Variants in PDE3A observed in about 807,000 individuals in gnomAD.
The protein encoded by PDE3A is phosphodiesterase 3A, also known as cGMP-inhibited 3',5'-cyclic phosphodiesterase 3A.
PDE3A carries 43 observed loss-of-function variants against 98.3 expected under a neutral mutation model. The ratio of observed to expected loss-of-function variants is 0.44; its 90% CI spans 0.34 to 0.56. The LOEUF (loss-of-function observed/expected upper bound fraction) is 0.56, where lower values mean the gene tolerates loss of function less well. Among genes scored for constraint, PDE3A ranks in the 20% least tolerant of loss-of-function variants. The probability of loss-of-function intolerance (pLI) is 0.01; values close to 1 mark genes in which losing one functional copy is unlikely to be tolerated. For synonymous variants in PDE3A, 663 were observed against 567.9 expected, an observed-to-expected ratio of 1.17 and a Z score of -2.38; for missense variants, 1,427 against 1,440.7, an observed-to-expected ratio of 0.99 and a Z score of 0.15.
At chr12:20,526,447 A>G (rs1250313985) in intron 1 of PDE3A, among the ~76,000 whole-genome samples, 1 of 152,198 alleles carries the variant, frequency 6.6e-6, no homozygotes, top group Admixed American at 6.5e-5. Context: ...CATTTTTTAA[A>G]TCAAATTTTT....
intron 1 of PDE3A, among the ~76,000 whole-genome samples, chr12:20,479,536 CT>C (rs1203559242): frequency 1.3e-5 from 2 of 152,188 alleles, no homozygotes; most frequent in African/African-American, 2.4e-5. Flanking sequence ...GTCCCTATCC[CT>C]TCTTGTGAGT....
In PDE3A at chr12:20,590,125, C is replaced by A. The variant is rs190797384; in HGVS notation, c.1012-23318C>A. ...ACGCAGCATATAAAACAAAGGTACT[C>A]TTACTATCCCGTGCTCCAAATGCAT... On this transcript the variant is annotated intron_variant, in intron 2 of 15. Transcript: ENST00000359062. 2.6e-5 allele frequency among the ~76,000 whole-genome samples: 4 copies of A among 151,954 alleles called. No homozygotes were observed. In the East Asian group the frequency reaches 5.8e-4, roughly 22 times the overall value.
intron 1 of PDE3A, among the ~76,000 whole-genome samples, chr12:20,384,562 G>A (rs1335220513): frequency 6.6e-6 from 1 of 151,768 alleles, no homozygotes; most frequent in African/African-American, 2.4e-5. Flanking sequence ...GAATACATGT[G>A]CAGGATGTGC....
At chr12:20,551,526 C>T (rs1017848889) in intron 1 of PDE3A, 4 of 1,160,230 alleles carry the variant, frequency 3.4e-6, no homozygotes, top group Non-Finnish European at 4.9e-6. Context: ...ATTCCGATAA[C>T]GAACGAGACT....
At chr12:20,560,759 C>G (rs1418604400) in intron 2 of PDE3A, among the ~76,000 whole-genome samples, 1 of 152,066 alleles carries the variant, frequency 6.6e-6, no homozygotes, top group African/African-American at 2.4e-5. Flanking sequence ...TGAGCTGATT[C>G]AGGACTGAGG....
intron 8 of PDE3A, among the ~76,000 whole-genome samples, chr12:20,635,592 G>GA (rs917939029): frequency 3.1e-5 from 4 of 129,770 alleles, no homozygotes; most frequent in African/African-American, 8.2e-5. Flanking sequence ...AAAAAAAAAA[G>GA]AAAGAAAGAA....
At chr12:20,518,383 G>A (rs1946360190) in intron 1 of PDE3A, among the ~76,000 whole-genome samples, 1 of 151,812 alleles carries the variant, frequency 6.6e-6, no homozygotes, top group Non-Finnish European at 1.5e-5. Flanking sequence ...CAGAGTTAGA[G>A]CTTCAAAGAT....
intron 10 of PDE3A, among the ~76,000 whole-genome samples, chr12:20,644,461 G>C (rs2121514420): frequency 6.6e-6 from 1 of 152,144 alleles, no homozygotes; most frequent in Admixed American, 6.5e-5. Context: ...TTTTTACTCT[G>C]TCTTATTTTT....
intron 1 of PDE3A, among the ~76,000 whole-genome samples, chr12:20,513,266 A>T (rs1946261148): frequency 6.6e-6 from 1 of 152,176 alleles, no homozygotes; most frequent in Non-Finnish European, 1.5e-5. Context: ...GCAGTAAACT[A>T]TGTTAATACA....
intron 2 of PDE3A, among the ~76,000 whole-genome samples, chr12:20,599,376 C>G (rs140563481): frequency 6.6e-6 from 1 of 152,080 alleles, no homozygotes; most frequent in African/African-American, 2.4e-5. Flanking sequence ...AGTACTCAAC[C>G]GGGCCTTTGT....
At position 20,603,697 on chromosome 12, in the gene PDE3A, TCAA is replaced by T. The variant is rs149247522; in HGVS notation, c.1012-9739_1012-9737del. Among the ~76,000 whole-genome samples, 428 of 152,282 alleles carry T rather than the reference TCAA, an allele frequency of 2.8e-3. 5 individuals are homozygous for T. The highest frequency in any genetic ancestry group is 9.7e-3 in the African/African-American group (402 of 41,566). ...CATTTCTTTGCACACACAATCTTTC[TCAA>T]CAACAATGTTTCACCAACAATAATG... is the stretch of plus-strand genomic sequence containing the variant. On this transcript the variant is annotated intron_variant, in intron 2 of 15. Transcript: ENST00000359062.
rs144318378 is a variant in PDE3A at position 20,420,626 on chromosome 12, G to A, written c.960+50382G>A. On this transcript the variant is annotated intron_variant, in intron 1 of 15. Coordinates refer to ENST00000359062, the MANE Select transcript of PDE3A (RefSeq NM_000921.5). ...CAGGGAGGCTCCAGGTGACAGCTTG[G>A]TTACATGATTTTTTTTCAAGAGCAA... Among the ~76,000 whole-genome samples the A allele has an allele frequency of 1.5e-4, 23 of 152,180 alleles. No individual in the cohort carries two copies. In the East Asian group the frequency reaches 4.4e-3, roughly 29 times the overall value.
intron 1 of PDE3A, among the ~76,000 whole-genome samples, chr12:20,538,853 C>T (rs549457689): frequency 6.6e-6 from 1 of 152,136 alleles, no homozygotes; most frequent in Admixed American, 6.5e-5. Context: ...ACTACATTGT[C>T]CGGGCTGGTC....
intron 2 of PDE3A, among the ~76,000 whole-genome samples, chr12:20,568,475 T>A (rs998791963): frequency 2.6e-5 from 4 of 151,936 alleles, no homozygotes; most frequent in Non-Finnish European, 5.9e-5. Context: ...GGATACAGCA[T>A]TGGAAGTAAT....
chr12:20,623,326 C>T (rs1318764097), intron 5 of PDE3A, among the ~76,000 whole-genome samples: 1 of 152,022 alleles, frequency 6.6e-6, no homozygotes, highest in Non-Finnish European at 1.5e-5. Flanking sequence ...TGGAAAGAAA[C>T]TCACACGTAG....
intron 1 of PDE3A, among the ~76,000 whole-genome samples, chr12:20,544,326 C>A (rs1387748827): frequency 6.6e-6 from 1 of 151,488 alleles, no homozygotes; most frequent in African/African-American, 2.4e-5. Flanking sequence ...AACTAAACAT[C>A]TGATATATAA....
chr12:20,485,670 A>T (rs1266505418), intron 1 of PDE3A, among the ~76,000 whole-genome samples: 4 of 152,192 alleles, frequency 2.6e-5, no homozygotes, highest in Admixed American at 2.6e-4. Flanking sequence ...CATTTTAAGG[A>T]TTCACCTATC....
Position 20,370,105 on chromosome 12 carries a change from A to G in PDE3A, c.821A>G (p.Gln274Arg), listed in dbSNP as rs375080808. The change falls in exon 1 of 16, where the codon CAG becomes CGG. Residue 274 changes from glutamine to arginine, a missense_variant. This residue lies in a region of PDE3A where 1,012 missense variants were observed against 886.5 expected (regional missense o/e 1.14). Transcript: ENST00000359062. ...GCTCCAAGGGAGCATTTGGGGTCCC[A>G]GCTGATTGCTGGGACCAAGGAAGAT... Reference protein sequence around the residue: ...EAAPREHLGSQLIAGTKEDIP... With the variant: ...EAAPREHLGSRLIAGTKEDIP... 13 of 1,613,108 alleles carry G rather than the reference A, an allele frequency of 8.1e-6. No homozygotes were observed. The highest frequency in any genetic ancestry group is 1.1e-5 in the Non-Finnish European group (13 of 1,179,934).
chr12:20,670,349 T>C (rs1267732775), intron 15 of PDE3A, among the ~76,000 whole-genome samples: 3 of 149,688 alleles, frequency 2.0e-5, no homozygotes, highest in Non-Finnish European at 4.4e-5. Flanking sequence ...CAAGCGGACC[T>C]AATAGACATC....
Sources: allele counts gnomAD v4.1 joint callset (sites outside exome capture counted in the v4.1 genomes callset), GRCh38; gene constraint gnomAD v4.1.1; regional missense constraint gnomAD v4.1.1; transcripts MANE v1.5; gene names NCBI Gene and HGNC (gene_info 2026-07-23, HGNC 2026-07-21).